SCAF8: variants seen among roughly 807,000 people sequenced by gnomAD.
SCAF8 encodes the protein SR-related and CTD-associated factor 8.
In SCAF8, 23 loss-of-function variants were observed where a neutral mutation model predicts 140.5. That is an observed-to-expected ratio of 0.16 (90% confidence interval 0.12 to 0.23). The LOEUF (loss-of-function observed/expected upper bound fraction) is 0.23, where lower values mean the gene tolerates loss of function less well. SCAF8 is among the 10% of genes least tolerant of loss of function. SCAF8 has a pLI of 1.00. For synonymous variants in SCAF8, 575 were observed against 528.9 expected (o/e 1.09, Z -1.20); for missense variants, 1,397 against 1,555.7 (o/e 0.90, Z 1.72).
chr6:154,746,183 G>C (rs1778694640), intron 1 of SCAF8, among the ~76,000 whole-genome samples: 1 of 152,186 alleles, frequency 6.6e-6, no homozygotes, highest in South Asian at 2.1e-4. Context: ...ACCGCACCCA[G>C]CTAAACTCAT....
At chr6:154,831,618 T>G (rs1778736605) in intron 19 of SCAF8, among the ~76,000 whole-genome samples, 1 of 148,912 alleles carries the variant, frequency 6.7e-6, no homozygotes, top group Non-Finnish European at 1.5e-5. Flanking sequence ...CACTTGACCT[T>G]GATGCCTGTT....
chr6:154,818,046 T>C (rs1778302015), intron 13 of SCAF8, among the ~76,000 whole-genome samples: 1 of 152,194 alleles, frequency 6.6e-6, no homozygotes, highest in African/African-American at 2.4e-5. Flanking sequence ...TTTGCATTAC[T>C]CAGTATAACA....
chr6:154,825,084 C>T (rs1466071331), intron 17 of SCAF8: 1 of 152,060 alleles, frequency 6.6e-6, no homozygotes, highest in Admixed American at 6.5e-5. Context: ...TCCTAAGAAT[C>T]AGTAGGCTCC....
chr6:154,778,518 A>G (rs751280917), intron 3 of SCAF8, among the ~76,000 whole-genome samples: 4 of 152,162 alleles, frequency 2.6e-5, no homozygotes, highest in Non-Finnish European at 4.4e-5. Context: ...TAATCCCAGC[A>G]CTTTGGGAGG....
intron 1 of SCAF8, among the ~76,000 whole-genome samples, chr6:154,742,521 A>G (rs1490241364): frequency 1.3e-5 from 2 of 152,210 alleles, no homozygotes; most frequent in Admixed American, 6.5e-5. Flanking sequence ...AAATGTTTCT[A>G]TAGTTTGTGA....
At chr6:154,782,720 A>G (rs950942768) in intron 3 of SCAF8, among the ~76,000 whole-genome samples, 1 of 152,178 alleles carries the variant, frequency 6.6e-6, no homozygotes, top group Non-Finnish European at 1.5e-5. Flanking sequence ...CTGAGTCTCA[A>G]AACTGAAGAA....
In SCAF8 at chr6:154,832,811, C is replaced by T. The variant is rs777031188; in HGVS notation, c.3232C>T (p.His1078Tyr). ...RENLVRPGID[H>Y]LGRRDHFGFN... ...GAATCTTGTGAGGCCAGGTATAGAT[C>T]ATCTTGGTCGAAGAGACCACTTTGG... is the stretch of plus-strand genomic sequence containing the variant. Residue 1078 changes from histidine to tyrosine, a missense_variant, in exon 20 of 20, where the codon CAT (histidine) becomes TAT (tyrosine). His to Tyr is a moderately conservative substitution (Grantham distance 83). This residue lies in a region of SCAF8 where 930 missense variants were observed against 874.6 expected (regional missense o/e 1.06). Transcript: ENST00000367178. 6.2e-7 allele frequency: 1 copy of T among 1,613,888 alleles called. No homozygotes were observed. Among genetic ancestry groups the T allele is most frequent in the African/African-American group, 1.3e-5 (1 of 74,948 alleles).
intron 1 of SCAF8, among the ~76,000 whole-genome samples, chr6:154,757,681 G>T (rs551415532): frequency 4.5e-4 from 69 of 152,256 alleles, no homozygotes; most frequent in Non-Finnish European, 8.4e-4. Flanking sequence ...TTCCAAAATG[G>T]GTGGATTGAT....
At chr6:154,746,939 C>G (rs911795334) in intron 1 of SCAF8, among the ~76,000 whole-genome samples, 1 of 152,162 alleles carries the variant, frequency 6.6e-6, no homozygotes, top group African/African-American at 2.4e-5. Flanking sequence ...GTCATAACTA[C>G]TTATGCTCTG....
At chr6:154,819,006 T>A (rs1292971572) in intron 14 of SCAF8, among the ~76,000 whole-genome samples, 2 of 152,202 alleles carry the variant, frequency 1.3e-5, no homozygotes, top group African/African-American at 4.8e-5. Flanking sequence ...GACATCTTTT[T>A]AAAATATAAA....
At chr6:154,767,869 A>G (rs940729571) in intron 1 of SCAF8, among the ~76,000 whole-genome samples, 1 of 151,998 alleles carries the variant, frequency 6.6e-6, no homozygotes, top group Non-Finnish European at 1.5e-5. Flanking sequence ...TTTTTAAGCC[A>G]TACTTCTTTC....
Position 154,824,478 on chromosome 6 carries a change from T to G in SCAF8, c.2071+100T>G, listed in dbSNP as rs900920185. 3.7e-6 allele frequency: 4 copies of G among 1,067,598 alleles called. No individual in the cohort carries two copies. The African/African-American group carries it at 4.7e-5, about 13-fold the overall frequency. The allele number at this position is 1,067,598 out of a possible 1,614,324, so 66.1% of individuals were successfully genotyped here. ...ACCATAGAGCAGTGGTTCTGAGACC[T>G]TAGCATGCATAGCCTTGTTAAAGCG... On this transcript the variant is annotated intron_variant, in intron 17 of 19. Coordinates refer to ENST00000367178, the MANE Select transcript of SCAF8 (RefSeq NM_014892.5).
intron 4 of SCAF8, 31 bp from the exon 5 acceptor site, chr6:154,792,792 A>C (rs771878879): frequency 2.6e-6 from 4 of 1,539,216 alleles, no homozygotes; most frequent in Admixed American, 3.9e-5. Flanking sequence ...GAGAGTAAAA[A>C]CCAAAATGTC....
chr6:154,738,206 AAAAG>A (rs1457655810), intron 1 of SCAF8, among the ~76,000 whole-genome samples: 5 of 151,898 alleles, frequency 3.3e-5, no homozygotes, highest in African/African-American at 7.2e-5. Flanking sequence ...AAAAAAAAAA[AAAAG>A]AAAAGAAAAC....
chr6:154,783,960 A>C (rs1777159884), intron 3 of SCAF8, among the ~76,000 whole-genome samples: 1 of 151,868 alleles, frequency 6.6e-6, no homozygotes, highest in Non-Finnish European at 1.5e-5. Context: ...CCAGCTACTC[A>C]GGAGGCTGAG....
intron 4 of SCAF8, among the ~76,000 whole-genome samples, chr6:154,788,472 AATT>A (rs1777319160): frequency 6.6e-6 from 1 of 152,206 alleles, no homozygotes; most frequent in Non-Finnish European, 1.5e-5. Flanking sequence ...TTGAATATTT[AATT>A]ATTACGGTAT....
chr6:154,832,330 G>T lies in SCAF8; in HGVS notation c.2751G>T (p.Arg917Ser). ...NLPPLSIPNQRMPTMPMLDIR... is the reference protein window; with the variant it reads ...NLPPLSIPNQSMPTMPMLDIR... ...CCCCTTTAAGTATCCCTAATCAAAG[G>T]ATGCCCACAATGCCAATGTTAGACA... The change falls in exon 20 of 20, where the codon AGG becomes AGT. Residue 917 changes from arginine to serine, a missense_variant. Arg to Ser is a moderately radical substitution (Grantham distance 110). Coordinates refer to ENST00000367178, the MANE Select transcript of SCAF8 (RefSeq NM_014892.5). 2 of 1,613,866 alleles carry T rather than the reference G, an allele frequency of 1.2e-6. No individual in the cohort carries two copies. The highest frequency in any genetic ancestry group is 1.7e-6 in the Non-Finnish European group (2 of 1,179,992).
intron 1 of SCAF8, among the ~76,000 whole-genome samples, chr6:154,747,364 A>G (rs1778725786): frequency 6.6e-6 from 1 of 152,150 alleles, no homozygotes; most frequent in Non-Finnish European, 1.5e-5. Flanking sequence ...AAAAATATTA[A>G]TACAAAAAAA....
At chr6:154,768,593 C>A (rs535097323) in intron 1 of SCAF8, among the ~76,000 whole-genome samples, 4 of 152,082 alleles carry the variant, frequency 2.6e-5, no homozygotes, top group Admixed American at 2.0e-4. Context: ...CTGTGAATGG[C>A]GCTATGTATG....
Sources: gnomAD v4.1 joint callset for allele counts (sites outside exome capture counted in the v4.1 genomes callset) on GRCh38, gnomAD v4.1.1 for gene constraint, gnomAD v4.1.1 regional missense constraint, MANE v1.5 for transcripts, NCBI Gene and HGNC (gene_info 2026-07-23, HGNC 2026-07-21) for gene names.